SLC35E3: variants seen among roughly 807,000 people sequenced by gnomAD.
The protein encoded by SLC35E3 is solute carrier family 35 member E3, also known as bladder cancer-overexpressed gene 1 protein.
A neutral mutation model predicts 30.8 loss-of-function variants in SLC35E3; 28 were observed. The ratio of observed to expected loss-of-function variants is 0.91; its 90% CI spans 0.67 to 1.25. The LOEUF is 1.25. Ranked by LOEUF, SLC35E3 falls within the 50% of genes most tolerant of loss-of-function variation. The pLI, the probability that SLC35E3 is intolerant of heterozygous loss-of-function variation, is 0.00. For synonymous variants in SLC35E3, 146 were observed against 149.2 expected, an observed-to-expected ratio of 0.98 and a Z score of 0.16; for missense variants, 365 against 375.4, an observed-to-expected ratio of 0.97 and a Z score of 0.23.
chr12:68,780,877 GC>G lies in SLC35E3; in HGVS notation c.*15989del, dbSNP rs2136090986. On this transcript the variant is annotated 3_prime_UTR_variant, in exon 5 of 5. Transcript: ENST00000398004. Reference sequence around the variant, plus strand: ...TGATTTGAAGCATTTTCTCCACCAGGCCTAAGGCTGAAGGAATGTAGTTTGC... The same window carrying G: ...TGATTTGAAGCATTTTCTCCACCAGGCTAAGGCTGAAGGAATGTAGTTTGC... 1 of 152,306 alleles carries G rather than the reference GC, an allele frequency of 6.6e-6. No individual in the cohort carries two copies. Among genetic ancestry groups the G allele is most frequent in the East Asian group, 1.9e-4 (1 of 5,178 alleles). 9.4% of individuals were successfully genotyped at this position (152,306 alleles called of 1,614,324 possible).
chr12:68,760,906 A>G (rs1484826334), intron 4 of SLC35E3, among the ~76,000 whole-genome samples: 1 of 152,186 alleles, frequency 6.6e-6, no homozygotes, highest in African/African-American at 2.4e-5. Context: ...CGGGGAAGAG[A>G]ATGTGAAATG....
At position 68,777,286 on chromosome 12, in the gene SLC35E3, A is replaced by G. The variant is rs1164227827; in HGVS notation, c.*12396A>G. Reference sequence around the variant, plus strand: ...CTGCTTATTGGCATGGAGTTATTGAATGCAGAACTTTTCAGCCAAGCACAG... The same window carrying G: ...CTGCTTATTGGCATGGAGTTATTGAGTGCAGAACTTTTCAGCCAAGCACAG... On this transcript the variant is annotated 3_prime_UTR_variant, in exon 5 of 5. Coordinates refer to ENST00000398004, the MANE Select transcript of SLC35E3 (RefSeq NM_018656.5). The G allele has an allele frequency of 6.6e-6, 1 of 152,180 alleles. No individual in the cohort carries two copies. The highest frequency in any genetic ancestry group is 2.4e-5 in the African/African-American group (1 of 41,438). 9.4% of individuals were successfully genotyped at this position (152,180 alleles called of 1,614,324 possible). A position where few individuals can be genotyped will look rare whatever the true frequency, so the allele number is the denominator to read the frequency against.
chr12:68,750,417 A>G lies in SLC35E3; in HGVS notation c.514-1615A>G, dbSNP rs555668233. On this transcript the variant is annotated intron_variant, in intron 2 of 4. Transcript: ENST00000398004. The stretch of plus-strand genomic sequence containing the variant: ...GCAGGCATCTGCCTTAAAAACTGTT[A>G]AGTGCAGGAGGCAGTGAGGGAGGAG... Among the ~76,000 whole-genome samples the G allele has an allele frequency of 2.0e-5, 3 of 152,310 alleles. No homozygotes were observed. In the South Asian group the frequency reaches 6.2e-4, roughly 32 times the overall value.
intron 2 of SLC35E3, 96 bp from the exon 3 acceptor site, chr12:68,751,936 C>A: frequency 8.3e-7 from 1 of 1,208,470 alleles, no homozygotes; most frequent in Non-Finnish European, 1.2e-6. Flanking sequence ...CTAGTCTATA[C>A]CCCACATTCC....
chr12:68,754,580 C>A (rs1287387669), intron 3 of SLC35E3, among the ~76,000 whole-genome samples: 1 of 152,126 alleles, frequency 6.6e-6, no homozygotes, highest in Non-Finnish European at 1.5e-5. Context: ...GCCGCCGCGC[C>A]CAGCCGGTGT....
chr12:68,759,091 T>A, intron 3 of SLC35E3, 66 bp from the exon 4 acceptor site: 27 of 1,118,820 alleles, frequency 2.4e-5, no homozygotes, highest in Non-Finnish European at 3.6e-5. Flanking sequence ...CCGAATGAAA[T>A]GTATCTTTGC....
intron 3 of SLC35E3, among the ~76,000 whole-genome samples, chr12:68,757,652 AAGC>A (rs776549118): frequency 6.6e-6 from 1 of 152,260 alleles, no homozygotes; most frequent in Non-Finnish European, 1.5e-5. Context: ...ATGTAAGTGT[AAGC>A]AGTGATCATC....
rs149872948 is a variant in SLC35E3 at position 68,773,311 on chromosome 12, T to C, written c.*8421T>C. On this transcript the variant is annotated 3_prime_UTR_variant, in exon 5 of 5. Transcript: ENST00000398004. ...AAAATCAATTACTCTGTTGAGGAGA[T>C]GGAATCTCCTGGAATCTCAAAAAGG... 4.6e-5 allele frequency: 7 copies of C among 152,336 alleles called. No homozygotes were observed. Among genetic ancestry groups the C allele is most frequent in the African/African-American group, 1.7e-4 (7 of 41,586 alleles). 9.4% of individuals were successfully genotyped at this position (152,336 alleles called of 1,614,324 possible).
intron 3 of SLC35E3, among the ~76,000 whole-genome samples, chr12:68,756,797 TGAGACTAGCC>T (rs1333061258): frequency 6.6e-6 from 1 of 152,134 alleles, no homozygotes; most frequent in Non-Finnish European, 1.5e-5. Context: ...GTCAGGAGAT[TGAGACTAGCC>T]GAGACCATCC....
Position 68,750,007 on chromosome 12 carries a change from G to T in SLC35E3, c.513+1967G>T, listed in dbSNP as rs1270512861. On this transcript the variant is annotated intron_variant, in intron 2 of 4. Transcript: ENST00000398004. ...GGTAAGAGGGAAGGAAGGGTAAAAG[G>T]CAGAGCAGTCAGGAACCTACCTGTA... Among the ~76,000 whole-genome samples the T allele has an allele frequency of 1.2e-4, 19 of 152,154 alleles. 1 individual carries two copies.
intron 1 of SLC35E3, among the ~76,000 whole-genome samples, chr12:68,747,431 G>T (rs890582958): frequency 1.3e-4 from 20 of 152,110 alleles, no homozygotes; most frequent in African/African-American, 4.8e-4. Context: ...CACCACGCCC[G>T]GCTAATTTTG....
Position 68,750,500 on chromosome 12 carries a change from G to A in SLC35E3, c.514-1532G>A, listed in dbSNP as rs753828856. 8.5e-5 allele frequency among the ~76,000 whole-genome samples: 13 copies of A among 152,230 alleles called. No individual in the cohort carries two copies. In the South Asian group the frequency reaches 1.0e-3, roughly 12 times the overall value. ...CTTGCAGGTTCTGCAAAGAGGGCTC[G>A]CAGGAAGGGCCACAGGGAGTCTGGA... On this transcript the variant is annotated intron_variant, in intron 2 of 4. Transcript: ENST00000398004.
At chr12:68,761,895 A>G (rs1879243194) in intron 4 of SLC35E3, among the ~76,000 whole-genome samples, 1 of 152,110 alleles carries the variant, frequency 6.6e-6, no homozygotes, top group African/African-American at 2.4e-5. Flanking sequence ...CCATCAACTA[A>G]GATAGGATAC....
rs1407912282 is a variant in SLC35E3 at position 68,779,759 on chromosome 12, AC to A, written c.*14874del. 6.6e-6 allele frequency: 1 copy of A among 151,838 alleles called. No homozygotes were observed. The highest frequency in any genetic ancestry group is 1.5e-5 in the Non-Finnish European group (1 of 67,978). 9.4% of individuals were successfully genotyped at this position (151,838 alleles called of 1,614,324 possible). ...TTCAAGACCTGAGCAACACAGCAAG[AC>A]CCCCGTCTCTATAAAAAATTTTATA... On this transcript the variant is annotated 3_prime_UTR_variant, in exon 5 of 5. Transcript: ENST00000398004.
Position 68,766,223 on chromosome 12 carries a change from A to G in SLC35E3, c.*1333A>G, listed in dbSNP as rs1879409187. The G allele has an allele frequency of 6.6e-6, 1 of 152,116 alleles. No individual in the cohort carries two copies. Among genetic ancestry groups the G allele is most frequent in the Non-Finnish European group, 1.5e-5 (1 of 68,022 alleles). The allele number at this position is 152,116 out of a possible 1,614,324, so 9.4% of individuals were successfully genotyped here. A position where few individuals can be genotyped will look rare whatever the true frequency, so the allele number is the denominator to read the frequency against. Reference sequence around the variant, plus strand: ...AAACGGCAGCCAATCTCAGTGGCTCACACCTGTAATCCCAGCACTTTGGAA... The same window carrying G: ...AAACGGCAGCCAATCTCAGTGGCTCGCACCTGTAATCCCAGCACTTTGGAA... On this transcript the variant is annotated 3_prime_UTR_variant, in exon 5 of 5. Transcript: ENST00000398004.
chr12:68,759,483 C>T (rs544861898), intron 4 of SLC35E3, among the ~76,000 whole-genome samples: 3 of 152,172 alleles, frequency 2.0e-5, no homozygotes, highest in Admixed American at 6.5e-5. Flanking sequence ...GCGGGTGAAT[C>T]GCTTAAGGCC....
In SLC35E3 at chr12:68,777,499, C is replaced by T. The variant is rs1236653604; in HGVS notation, c.*12609C>T. The T allele has an allele frequency of 6.6e-6, 1 of 152,242 alleles. No individual in the cohort carries two copies. The highest frequency in any genetic ancestry group is 1.5e-5 in the Non-Finnish European group (1 of 68,044). The allele number at this position is 152,242 out of a possible 1,614,324, so 9.4% of individuals were successfully genotyped here. On this transcript the variant is annotated 3_prime_UTR_variant, in exon 5 of 5. Coordinates refer to ENST00000398004, the MANE Select transcript of SLC35E3 (RefSeq NM_018656.5). Reference sequence around the variant, plus strand: ...TGTCCACTCCTCTCCCCACACTGCACTGTGTGGCCCCAGAGAGGAAAGACA... The same window carrying T: ...TGTCCACTCCTCTCCCCACACTGCATTGTGTGGCCCCAGAGAGGAAAGACA...
At chr12:68,754,326 C>T (rs1228345365) in intron 3 of SLC35E3, among the ~76,000 whole-genome samples, 2 of 152,096 alleles carry the variant, frequency 1.3e-5, no homozygotes, top group Non-Finnish European at 2.9e-5. Flanking sequence ...CTCTGTCACC[C>T]AGGCTATAGT....
At position 68,764,834 on chromosome 12, in the gene SLC35E3, C is replaced by T. The variant is rs760957056; in HGVS notation, c.886C>T (p.His296Tyr). 5.6e-6 allele frequency: 9 copies of T among 1,614,024 alleles called. No individual in the cohort carries two copies. The South Asian group carries it at 7.7e-5, about 14-fold the overall frequency. ...ATTATTTGGCATTCTCGCCTATACC[C>T]ACTTTAAGCTCAGTGAACAGGAAGG... is the stretch of plus-strand genomic sequence containing the variant. ...CTLFGILAYTHFKLSEQEGSR... is the reference protein window; with the variant it reads ...CTLFGILAYTYFKLSEQEGSR... Residue 296 changes from histidine to tyrosine, a missense_variant, in exon 5 of 5, where the codon CAC becomes TAC. By Grantham distance (83) the His-to-Tyr change is moderately conservative. Transcript: ENST00000398004.
Sources: gnomAD v4.1 joint callset for allele counts (sites outside exome capture counted in the v4.1 genomes callset) on GRCh38, gnomAD v4.1.1 for gene constraint, MANE v1.5 for transcripts, NCBI Gene and HGNC (gene_info 2026-07-23, HGNC 2026-07-21) for gene names.